RPTOR: variants seen among roughly 807,000 people sequenced by gnomAD.
RPTOR encodes the protein regulatory-associated protein of mTOR.
RPTOR carries 21 observed loss-of-function variants against 169.9 expected under a neutral mutation model. The observed-to-expected ratio is 0.12, with a 90% CI of 0.09 to 0.18. The LOEUF (loss-of-function observed/expected upper bound fraction) is 0.18, where lower values mean the gene tolerates loss of function less well. RPTOR is among the 10% of genes least tolerant of loss of function. The probability of loss-of-function intolerance (pLI) is 1.00; values close to 1 mark genes in which losing one functional copy is unlikely to be tolerated. For missense variants in RPTOR, 1,133 were observed against 1,855.9 expected, an observed-to-expected ratio of 0.61 and a Z score of 7.16; for synonymous variants, 732 against 753.2, an observed-to-expected ratio of 0.97 and a Z score of 0.46.
At chr17:80,766,273 G>A (rs1014224379) in intron 6 of RPTOR, among the ~76,000 whole-genome samples, 8 of 152,162 alleles carry the variant, frequency 5.3e-5, no homozygotes, top group African/African-American at 1.7e-4. Flanking sequence ...GGCTGGTCTC[G>A]AACTCCTAAG....
chr17:80,750,115 G>A (rs2066616851), intron 5 of RPTOR, among the ~76,000 whole-genome samples: 1 of 152,006 alleles, frequency 6.6e-6, no homozygotes, highest in Non-Finnish European at 1.5e-5. Context: ...GCCTCCCAAA[G>A]TGCTGGTATT....
intron 13 of RPTOR, among the ~76,000 whole-genome samples, chr17:80,873,728 T>A (rs1410487836): frequency 6.6e-6 from 1 of 152,250 alleles, no homozygotes; most frequent in African/African-American, 2.4e-5. Context: ...GATGAGTTTC[T>A]TTGTGCAGAG....
At chr17:80,643,618 G>C (rs1306341370) in intron 2 of RPTOR, 110 bp from the exon 3 acceptor site, 2 of 731,814 alleles carry the variant, frequency 2.7e-6, no homozygotes, top group Non-Finnish European at 4.6e-6. Context: ...GTTACTTTTA[G>C]TCAAAGGTGA....
chr17:80,940,538 C>A lies in RPTOR; in HGVS notation c.2962C>A (p.Arg988=). The A allele has an allele frequency of 3.1e-6, 5 of 1,613,522 alleles. No homozygotes were observed. Among genetic ancestry groups the A allele is most frequent in the Non-Finnish European group, 4.2e-6 (5 of 1,179,838 alleles). ...CCTGGAGAGTCAGATCCGCAAGGAG[C>A]GGGAGTGGCGGTTCCTGCGAAACAG... is the stretch of plus-strand genomic sequence containing the variant. ...HDLESQIRKE[R]EWRFLRNSRV... The change falls in exon 25 of 34, where the codon CGG becomes AGG. Residue 988 remains arginine (R), a synonymous_variant. Transcript: ENST00000306801.
intron 3 of RPTOR, among the ~76,000 whole-genome samples, chr17:80,665,383 C>G (rs1478089822): frequency 1.8e-4 from 1 of 5,570 alleles, no homozygotes; most frequent in South Asian, 8.9e-3. Flanking sequence ...CTTTCCTTTC[C>G]TTTCCTTTCC....
intron 9 of RPTOR, among the ~76,000 whole-genome samples, chr17:80,826,484 G>A (rs865878436): frequency 2.6e-5 from 4 of 152,258 alleles, no homozygotes; most frequent in Admixed American, 6.5e-5. Flanking sequence ...CCACTGTAGC[G>A]GTCACTGGTG....
intron 6 of RPTOR, among the ~76,000 whole-genome samples, chr17:80,780,087 C>T (rs944037357): frequency 3.9e-5 from 6 of 152,158 alleles, no homozygotes; most frequent in East Asian, 1.9e-4. Flanking sequence ...CTTCAGCCAG[C>T]GGTGTTCTCA....
intron 24 of RPTOR, among the ~76,000 whole-genome samples, chr17:80,933,692 T>G (rs988707419): frequency 6.6e-6 from 1 of 152,232 alleles, no homozygotes; most frequent in Non-Finnish European, 1.5e-5. Flanking sequence ...CAACTCACGC[T>G]TCCTGATTTC....
intron 3 of RPTOR, among the ~76,000 whole-genome samples, chr17:80,653,516 C>T (rs913011519): frequency 6.6e-5 from 10 of 152,212 alleles, no homozygotes; most frequent in African/African-American, 2.4e-4. Flanking sequence ...GTGGTCTCTC[C>T]ACCTGGAGTG....
At chr17:80,787,152 G>A (rs1429389478) in intron 6 of RPTOR, among the ~76,000 whole-genome samples, 1 of 152,142 alleles carries the variant, frequency 6.6e-6, no homozygotes, top group African/African-American at 2.4e-5. Context: ...ATGCATCTGT[G>A]TGTATTCATT....
In RPTOR at chr17:80,782,492, G is replaced by C. The variant is rs564246928; in HGVS notation, c.831-8958G>C. On this transcript the variant is annotated intron_variant, in intron 6 of 33. Coordinates refer to ENST00000306801, the MANE Select transcript of RPTOR (RefSeq NM_020761.3). Reference sequence around the variant, plus strand: ...AAGAATAGGTGAGGACCCAGCAGTCGCATGTGAAAATAAACGGTGTATTTA... The same window carrying C: ...AAGAATAGGTGAGGACCCAGCAGTCCCATGTGAAAATAAACGGTGTATTTA... Among the ~76,000 whole-genome samples, 10 of 152,148 alleles carry C rather than the reference G, an allele frequency of 6.6e-5. No homozygotes were observed. In the South Asian group the frequency reaches 2.1e-3, roughly 32 times the overall value.
chr17:80,749,889 A>G (rs1400069031), intron 5 of RPTOR, among the ~76,000 whole-genome samples: 1 of 151,890 alleles, frequency 6.6e-6, no homozygotes, highest in Non-Finnish European at 1.5e-5. Context: ...ATTTTAAACA[A>G]CTTTTTGTAG....
chr17:80,896,533 G>A (rs1367545828), intron 20 of RPTOR, among the ~76,000 whole-genome samples: 3 of 110,464 alleles, frequency 2.7e-5, no homozygotes, highest in Admixed American at 9.1e-5. Context: ...TAGCCACCCC[G>A]GCACCCCACG....
At chr17:80,842,876 C>T (rs544166892) in intron 10 of RPTOR, among the ~76,000 whole-genome samples, 6 of 152,264 alleles carry the variant, frequency 3.9e-5, no homozygotes, top group East Asian at 1.9e-4. Context: ...GGACCGTGTC[C>T]GCGTGGCTCC....
At chr17:80,873,208 G>A (rs1049076501) in intron 13 of RPTOR, among the ~76,000 whole-genome samples, 1 of 152,156 alleles carries the variant, frequency 6.6e-6, no homozygotes, top group Non-Finnish European at 1.5e-5. Context: ...GCTCTGTGCG[G>A]TTCCAAGGGC....
At chr17:80,928,975 G>T (rs9908768) in intron 24 of RPTOR, among the ~76,000 whole-genome samples, 1 of 152,128 alleles carries the variant, frequency 6.6e-6, no homozygotes, top group African/African-American at 2.4e-5. Flanking sequence ...TTAGAAAAGG[G>T]TATACCTGCA....
intron 13 of RPTOR, among the ~76,000 whole-genome samples, chr17:80,874,546 C>T (rs1307635597): frequency 6.6e-6 from 1 of 152,060 alleles, no homozygotes; most frequent in African/African-American, 2.4e-5. Flanking sequence ...CCTCACTTGG[C>T]GAGTGGGGAA....
At chr17:80,851,735 T>G (rs910949583) in intron 11 of RPTOR, among the ~76,000 whole-genome samples, 1 of 152,206 alleles carries the variant, frequency 6.6e-6, no homozygotes, top group South Asian at 2.1e-4. Context: ...CCGCTTGCTT[T>G]TGTTGTTTGT....
chr17:80,761,038 A>G (rs772248699), intron 6 of RPTOR, among the ~76,000 whole-genome samples: 4 of 152,232 alleles, frequency 2.6e-5, no homozygotes, highest in Non-Finnish European at 5.9e-5. Context: ...ACTGATTTCA[A>G]TAATTCCAAA....
Sources: allele counts gnomAD v4.1 joint callset (sites outside exome capture counted in the v4.1 genomes callset), GRCh38; gene constraint gnomAD v4.1.1; transcripts MANE v1.5; gene names NCBI Gene and HGNC (gene_info 2026-07-23, HGNC 2026-07-21).